STAG1: variants seen among roughly 807,000 people sequenced by gnomAD.
STAG1 encodes STAG1 cohesin complex component, also known as cohesin subunit SA-1.
A neutral mutation model predicts 170.9 loss-of-function variants in STAG1; 26 were observed. The ratio of observed to expected loss-of-function variants is 0.15; its 90% CI spans 0.11 to 0.21. The LOEUF is 0.21. Among genes scored for constraint, STAG1 ranks in the 10% least tolerant of loss-of-function variants. The pLI is 1.00. For missense variants in STAG1, 964 were observed against 1,509.5 expected (o/e 0.64, Z 5.99); for synonymous variants, 514 against 497.7 (o/e 1.03, Z -0.44).
intron 12 of STAG1, among the ~76,000 whole-genome samples, chr3:136,471,595 T>C (rs1424632116): frequency 6.6e-6 from 1 of 152,076 alleles, no homozygotes; most frequent in Non-Finnish European, 1.5e-5. Context: ...CATCACAAAG[T>C]AGGGAGAGGA....
At chr3:136,608,569 C>T (rs1340120349) in intron 3 of STAG1, among the ~76,000 whole-genome samples, 3 of 146,314 alleles carry the variant, frequency 2.1e-5, no homozygotes, top group Non-Finnish European at 4.5e-5. Flanking sequence ...AATACCAGCA[C>T]AGGGGTAGAC....
chr3:136,456,314 A>G (rs924237690), intron 13 of STAG1, among the ~76,000 whole-genome samples: 3 of 152,208 alleles, frequency 2.0e-5, no homozygotes, highest in Admixed American at 6.5e-5. Context: ...TGATGAATAG[A>G]AACAATTTTT....
At chr3:136,393,498 T>C (rs2087065546) in intron 22 of STAG1, among the ~76,000 whole-genome samples, 1 of 152,060 alleles carries the variant, frequency 6.6e-6, no homozygotes, top group African/African-American at 2.4e-5. Flanking sequence ...CACAGCAAGA[T>C]TCTGTCTCAA....
At chr3:136,435,682 T>C (rs374410763) in intron 15 of STAG1, among the ~76,000 whole-genome samples, 7 of 152,274 alleles carry the variant, frequency 4.6e-5, no homozygotes, top group African/African-American at 1.4e-4. Flanking sequence ...TTTTTCTTTT[T>C]TTTTGAGACG....
intron 16 of STAG1, among the ~76,000 whole-genome samples, chr3:136,430,806 G>GACACACACACACACACACACAC (rs35492621): frequency 3.8e-5 from 5 of 131,104 alleles, no homozygotes; most frequent in Non-Finnish European, 8.0e-5. Flanking sequence ...GACATAGACA[G>GACACACACACACACACACACAC]ACACACACAC....
At chr3:136,677,532 C>T (rs934704959) in intron 1 of STAG1, among the ~76,000 whole-genome samples, 5 of 152,004 alleles carry the variant, frequency 3.3e-5, no homozygotes, top group Non-Finnish European at 7.4e-5. Context: ...AACCTAATAC[C>T]CAATGTGAAA....
rs1452514434 is a variant in STAG1, at chr3:136,591,292, T to A, written c.297+13017A>T. Among the ~76,000 whole-genome samples the A allele has an allele frequency of 8.9e-5, 7 of 78,276 alleles. No homozygotes were observed. The East Asian group carries it at 1.7e-3, about 19-fold the overall frequency. The allele number at this position is 78,276 out of a possible 152,430, so 51.4% of individuals were successfully genotyped here. A position where few individuals can be genotyped will look rare whatever the true frequency, so the allele number is the denominator to read the frequency against. On this transcript the variant is annotated intron_variant, in intron 4 of 33. Transcript: ENST00000383202. ...GAGGGGAGGAGGGAAGGCGGGAAGG[T>A]GGGAAGGCAGGAAGGCAGGAAAGAA...
chr3:136,719,649 AGGTG>A (rs1242708655), intron 1 of STAG1, among the ~76,000 whole-genome samples: 2 of 18,730 alleles, frequency 1.1e-4, no homozygotes, highest in South Asian at 1.9e-3. Context: ...GTAGGTGGGT[AGGTG>A]GGTGGGTGGG....
chr3:136,628,471 G>T (rs1294541867), intron 2 of STAG1, among the ~76,000 whole-genome samples: 1 of 152,088 alleles, frequency 6.6e-6, no homozygotes, highest in Non-Finnish European at 1.5e-5. Flanking sequence ...GAAAAAAAAG[G>T]GGTGGGGGGA....
At chr3:136,751,235 C>T (rs1024918313) in intron 1 of STAG1, among the ~76,000 whole-genome samples, 1 of 151,056 alleles carries the variant, frequency 6.6e-6, no homozygotes, top group South Asian at 2.1e-4. Context: ...CTTATACTCC[C>T]GGAGCACGAT....
Position 136,346,851 on chromosome 3 carries a change from C to T in STAG1, c.3271+2307G>A, listed in dbSNP as rs1936240832. ...CAATGGCTCATGCCTGTAATCCTAG[C>T]ACTTTGGGACACTGAGGCATGTGGA... On this transcript the variant is annotated intron_variant, in intron 29 of 33. Coordinates refer to ENST00000383202, the MANE Select transcript of STAG1 (RefSeq NM_005862.3). 2.6e-5 allele frequency among the ~76,000 whole-genome samples: 4 copies of T among 152,176 alleles called. No homozygotes were observed. The South Asian group carries it at 8.3e-4, about 32-fold the overall frequency.
At chr3:136,396,624 T>G (rs1309655377) in intron 22 of STAG1, among the ~76,000 whole-genome samples, 2 of 129,358 alleles carry the variant, frequency 1.5e-5, no homozygotes, top group Non-Finnish European at 3.2e-5. Context: ...GCCTCCCGAG[T>G]TCAAGCGATT....
chr3:136,515,826 T>G (rs1238517212), intron 7 of STAG1, among the ~76,000 whole-genome samples: 1 of 152,208 alleles, frequency 6.6e-6, no homozygotes, highest in Non-Finnish European at 1.5e-5. Context: ...ATAGTGGTAT[T>G]TGCAGATTTC....
At chr3:136,389,276 G>A (rs2086947017) in intron 22 of STAG1, among the ~76,000 whole-genome samples, 1 of 152,104 alleles carries the variant, frequency 6.6e-6, no homozygotes, top group African/African-American at 2.4e-5. Flanking sequence ...AGGCTAGTGA[G>A]GCTGAGAAGG....
intron 4 of STAG1, among the ~76,000 whole-genome samples, chr3:136,590,266 C>T (rs1039302416): frequency 2.0e-5 from 3 of 151,890 alleles, no homozygotes; most frequent in Non-Finnish European, 4.4e-5. Context: ...GGGTGGATCA[C>T]GAGGTCAGGA....
chr3:136,575,404 T>C (rs1049530508), intron 4 of STAG1, among the ~76,000 whole-genome samples: 7 of 152,182 alleles, frequency 4.6e-5, no homozygotes, highest in African/African-American at 1.7e-4. Context: ...TTTGTATTTT[T>C]GGTAGAGACG....
At chr3:136,638,295 A>G (rs111540907) in intron 1 of STAG1, among the ~76,000 whole-genome samples, 100 of 151,844 alleles carry the variant, frequency 6.6e-4, no homozygotes, top group African/African-American at 2.3e-3. Flanking sequence ...CACCACACCC[A>G]GCTAATTTTT....
chr3:136,496,596 T>C (rs762074970), intron 9 of STAG1, among the ~76,000 whole-genome samples: 2 of 152,130 alleles, frequency 1.3e-5, no homozygotes, highest in Admixed American at 6.5e-5. Flanking sequence ...GACAGTATTT[T>C]GAACTAAATA....
rs1027151344 is a variant in STAG1 at position 136,547,605 on chromosome 3, G to T, written c.395-5410C>A. On this transcript the variant is annotated intron_variant, in intron 5 of 33. Transcript: ENST00000383202. The stretch of plus-strand genomic sequence containing the variant: ...TGATTGATTTCTGTGTCTTTCTGTG[G>T]CTGGCTTATTTCATTTAGCATAATG... Among the ~76,000 whole-genome samples the T allele has an allele frequency of 5.3e-5, 8 of 152,258 alleles. No homozygotes were observed. In the East Asian group the frequency reaches 1.5e-3, roughly 29 times the overall value.
Sources: allele counts gnomAD v4.1 joint callset (sites outside exome capture counted in the v4.1 genomes callset), GRCh38; gene constraint gnomAD v4.1.1; transcripts MANE v1.5; gene names NCBI Gene and HGNC (gene_info 2026-07-23, HGNC 2026-07-21).